Variants in LCK observed in about 807,000 individuals in gnomAD.
The protein encoded by LCK is tyrosine-protein kinase Lck.
A neutral mutation model predicts 64.6 loss-of-function variants in LCK; 14 were observed. That is an observed-to-expected ratio of 0.22 (90% confidence interval 0.14 to 0.34). LCK has a LOEUF of 0.34. Among genes scored for constraint, LCK ranks in the 10% least tolerant of loss-of-function variants. The probability of loss-of-function intolerance (pLI) is 1.00; values close to 1 mark genes in which losing one functional copy is unlikely to be tolerated. For synonymous variants in LCK, 277 were observed against 263.6 expected (o/e 1.05, Z -0.49); for missense variants, 434 against 668.1 (o/e 0.65, Z 3.86).
chr1:32,277,840 G>A (rs1640328939), intron 9 of LCK, among the ~76,000 whole-genome samples: 1 of 152,106 alleles, frequency 6.6e-6, no homozygotes, highest in Admixed American at 6.6e-5. Context: ...TCCTCACAGG[G>A]TCTTGTGAGG....
Position 32,275,780 on chromosome 1 carries a change from G to C in LCK, c.481+108G>C. On this transcript the variant is annotated intron_variant, in intron 6 of 12. Coordinates refer to ENST00000336890, the MANE Select transcript of LCK (RefSeq NM_005356.5). This position sits in a 1 kb window ranked among gnomAD's most constrained non-coding sequence, Gnocchi z 6.9. The stretch of plus-strand genomic sequence containing the variant: ...GACACGGGGTGAGTCGGAGGGGGAC[G>C]CGGGATGAGCCCGAGGTGGGGGCGC... 1 of 1,400,482 alleles carries C rather than the reference G, an allele frequency of 7.1e-7. No homozygotes were observed. Among genetic ancestry groups the C allele is most frequent in the South Asian group, 1.3e-5 (1 of 76,892 alleles). The allele number at this position is 1,400,482 out of a possible 1,614,324, so 86.8% of individuals were successfully genotyped here. A position where few individuals can be genotyped will look rare whatever the true frequency, so the allele number is the denominator to read the frequency against.
rs75580720 is a variant in LCK at position 32,273,731 on chromosome 1, G to T, written c.-5-594G>T. Among the ~76,000 whole-genome samples, 383 of 152,266 alleles carry T rather than the reference G, an allele frequency of 2.5e-3. 2 individuals are homozygous for T. The highest frequency in any genetic ancestry group is 8.8e-3 in the African/African-American group (365 of 41,542). ...TTATGGCCAACAGAGTCACTGGAGG[G>T]TTTTCTGCTGGGGAGAAGCAAGCCC... On this transcript the variant is annotated intron_variant, in intron 1 of 12. Transcript: ENST00000336890.
chr1:32,279,493 CA>C (rs577896382), intron 9 of LCK, 177 bp from the exon 10 acceptor site: 9 of 1,247,398 alleles, frequency 7.2e-6, no homozygotes, highest in African/African-American at 1.5e-5. Context: ...AGCCCCTCTG[CA>C]AAAAAACCTT....
At chr1:32,267,237 C>T (rs1010986120) in intron 1 of LCK, among the ~76,000 whole-genome samples, 42 of 152,194 alleles carry the variant, frequency 2.8e-4, no homozygotes, top group African/African-American at 1.0e-3. Flanking sequence ...CCCAAATGTC[C>T]ACCTCCCCCC....
In LCK at chr1:32,276,897, C is replaced by CTT. The variant is rs556447999; in HGVS notation, c.964+112_964+113dup. ...CCCAAAGCTCAAGCAAGGAGGGTTT[C>CTT]TTGAGCTTTCCTGCCCCCTGGAGAC... On this transcript the variant is annotated intron_variant, in intron 9 of 12. Transcript: ENST00000336890. This position sits in a 1 kb window ranked among gnomAD's most constrained non-coding sequence, Gnocchi z 4.6. 12 of 1,198,710 alleles carry CTT rather than the reference C, an allele frequency of 1.0e-5. No individual in the cohort carries two copies. In the African/African-American group the frequency reaches 1.5e-4, roughly 15 times the overall value. The allele number at this position is 1,198,710 out of a possible 1,614,324, so 74.3% of individuals were successfully genotyped here.
At chr1:32,253,287 G>A (rs967499973) in intron 1 of LCK, among the ~76,000 whole-genome samples, 1 of 152,066 alleles carries the variant, frequency 6.6e-6, no homozygotes, top group Non-Finnish European at 1.5e-5. Context: ...GCTTGAACCC[G>A]GGATGCACAG....
At chr1:32,266,138 T>C (rs1639901550) in intron 1 of LCK, among the ~76,000 whole-genome samples, 1 of 152,158 alleles carries the variant, frequency 6.6e-6, no homozygotes. Flanking sequence ...TTTCAGATTT[T>C]TTTTGTAGAG....
rs183718514 is a variant in LCK, at chr1:32,272,386, C to T, written c.-5-1939C>T. ...GGAGGATTGCTTGAGCCCAGGAGTT[C>T]GAGATCAGACTGGGCAACATAGTGA... On this transcript the variant is annotated intron_variant, in intron 1 of 12. Transcript: ENST00000336890. Among the ~76,000 whole-genome samples the T allele has an allele frequency of 8.8e-3, 1,335 of 152,012 alleles. 9 individuals are homozygous for T. The highest frequency in any genetic ancestry group is 0.014 in the Non-Finnish European group (953 of 67,972).
intron 1 of LCK, among the ~76,000 whole-genome samples, chr1:32,266,109 A>G (rs1318060910): frequency 6.6e-6 from 1 of 151,746 alleles, no homozygotes; most frequent in Non-Finnish European, 1.5e-5. Flanking sequence ...ACAGGGGCGC[A>G]CCACCATGCC....
Position 32,275,618 on chromosome 1 carries a change from G to A in LCK, c.427G>A (p.Ala143Thr), listed in dbSNP as rs1455784984. ...SRKDAERQLL[A>T]PGNTHGSFLI... ...CAAGGACGCGGAGCGGCAGCTCCTG[G>A]CGCCCGGGAACACTCACGGCTCCTT... is the stretch of plus-strand genomic sequence containing the variant. Residue 143 changes from alanine to threonine, a missense_variant, in exon 6 of 13, where the codon GCG becomes ACG. This residue lies in a region of LCK where 233 missense variants were observed against 291.2 expected (regional missense o/e 0.80). Transcript: ENST00000336890. The surrounding 1 kb of genome is among the most constrained non-coding windows in gnomAD (Gnocchi z 6.9). 1 of 1,574,158 alleles carries A rather than the reference G, an allele frequency of 6.4e-7. No homozygotes were observed. Among genetic ancestry groups the A allele is most frequent in the Admixed American group, 1.9e-5 (1 of 53,610 alleles).
chr1:32,264,255 C>T (rs749462835), intron 1 of LCK, among the ~76,000 whole-genome samples: 1 of 152,096 alleles, frequency 6.6e-6, no homozygotes, highest in Non-Finnish European at 1.5e-5. Context: ...GGGAAATGGA[C>T]CCTACCCTGT....
chr1:32,276,734 C>T lies in LCK; in HGVS notation c.912C>T (p.Tyr304=), dbSNP rs550191357. Residue 304 remains tyrosine (Y), a synonymous_variant, in exon 9 of 13, where the codon TAC becomes TAT. Transcript: ENST00000336890. This position sits in a 1 kb window ranked among gnomAD's most constrained non-coding sequence, Gnocchi z 4.6. ...QLQHQRLVRL[Y]AVVTQEPIYI... The stretch of plus-strand genomic sequence containing the variant: ...AACACCAGCGGCTGGTTCGGCTCTA[C>T]GCTGTGGTCACCCAGGAGCCCATCT... 1.5e-5 allele frequency: 25 copies of T among 1,613,780 alleles called. No individual in the cohort carries two copies. Among genetic ancestry groups the T allele is most frequent in the East Asian group, 1.1e-4 (5 of 44,890 alleles).
intron 1 of LCK, among the ~76,000 whole-genome samples, chr1:32,270,728 G>A (rs150518399): frequency 0.011 from 1,274 of 116,660 alleles, 30 homozygotes; most frequent in African/African-American, 0.04. Flanking sequence ...TGAGACGGAC[G>A]GAATCTCACT....
chr1:32,280,131 A>G lies in LCK; in HGVS notation c.1248A>G (p.Thr416=), dbSNP rs1343250032. ...CGCCAGAAGCCATTAACTACGGGAC[A>G]TTCACCATCAAGTCAGATGTGTGGT... ...WTAPEAINYG[T]FTIKSDVWSF... is the part of the protein sequence containing the mutation. Residue 416 remains threonine, a synonymous_variant, in exon 12 of 13, where the codon ACA becomes ACG. Coordinates refer to ENST00000336890, the MANE Select transcript of LCK (RefSeq NM_005356.5). 6.2e-7 allele frequency: 1 copy of G among 1,614,144 alleles called. No individual in the cohort carries two copies.
rs1640232443 is a variant in LCK at position 32,275,478 on chromosome 1, G to C, written c.377+59G>C. ...GCAGATCTAGGGATCCTGGAGCAGG[G>C]AGTAGGCCTGGGGTGGCGGTGAAGG... is the stretch of plus-strand genomic sequence containing the variant. On this transcript the variant is annotated intron_variant, in intron 5 of 12. Transcript: ENST00000336890. This position sits in a 1 kb window ranked among gnomAD's most constrained non-coding sequence, Gnocchi z 6.9. 6.3e-7 allele frequency: 1 copy of C among 1,587,064 alleles called. No individual in the cohort carries two copies. The highest frequency in any genetic ancestry group is 8.6e-7 in the Non-Finnish European group (1 of 1,160,714).
At chr1:32,273,610 C>T (rs563076593) in intron 1 of LCK, among the ~76,000 whole-genome samples, 1 of 152,172 alleles carries the variant, frequency 6.6e-6, no homozygotes, top group East Asian at 1.9e-4. Context: ...TCAGGCAAAA[C>T]AGGCACACAT....
intron 1 of LCK, among the ~76,000 whole-genome samples, chr1:32,270,786 CT>C (rs1317167015): frequency 1.3e-5 from 2 of 148,316 alleles, no homozygotes; most frequent in African/African-American, 5.0e-5. Context: ...TCACTGCAAC[CT>C]CTACCTCCTG....
intron 1 of LCK, among the ~76,000 whole-genome samples, chr1:32,252,939 C>T (rs987919836): frequency 6.6e-6 from 1 of 152,180 alleles, no homozygotes; most frequent in African/African-American, 2.4e-5. Flanking sequence ...GGCCAGAGAG[C>T]CCACAGGTGT....
At chr1:32,277,499 A>T (rs1307138788) in intron 9 of LCK, among the ~76,000 whole-genome samples, 1 of 151,974 alleles carries the variant, frequency 6.6e-6, no homozygotes, top group Non-Finnish European at 1.5e-5. Flanking sequence ...TTCAGTTCTG[A>T]GTGAGACCCC....
Sources: gnomAD v4.1 joint callset for allele counts (sites outside exome capture counted in the v4.1 genomes callset) on GRCh38, gnomAD v4.1.1 for gene constraint, gnomAD v4.1.1 regional missense constraint, Gnocchi (gnomAD v3.1) non-coding constraint, MANE v1.5 for transcripts, NCBI Gene and HGNC (gene_info 2026-07-23, HGNC 2026-07-21) for gene names.